The following CDK19 variants were observed in gnomAD, a reference collection of about 807,000 sequenced individuals.
The protein encoded by CDK19 is cyclin dependent kinase 19.
In CDK19, 20 loss-of-function variants were observed where a neutral mutation model predicts 68.3. The ratio of observed to expected loss-of-function variants is 0.29; its 90% CI spans 0.21 to 0.43. The LOEUF is 0.43. Among genes scored for constraint, CDK19 ranks in the 20% least tolerant of loss-of-function variants. The pLI is 1.00. For synonymous variants in CDK19, 221 were observed against 222.8 expected (o/e 0.99, Z 0.07); for missense variants, 339 against 623.5 (o/e 0.54, Z 4.86).
intron 2 of CDK19, among the ~76,000 whole-genome samples, chr6:110,694,871 C>T (rs1773338966): frequency 6.6e-6 from 1 of 152,158 alleles, no homozygotes; most frequent in Non-Finnish European, 1.5e-5. Flanking sequence ...AATCCCAGCA[C>T]TTTGGGAGGC....
chr6:110,791,876 C>A (rs1053162485), intron 1 of CDK19, among the ~76,000 whole-genome samples: 7 of 152,036 alleles, frequency 4.6e-5, no homozygotes, highest in Admixed American at 2.6e-4. Flanking sequence ...GAACTCCTGG[C>A]CTCAAGCAAT....
chr6:110,739,259 A>G (rs1431501878), intron 2 of CDK19, among the ~76,000 whole-genome samples: 1 of 152,164 alleles, frequency 6.6e-6, no homozygotes, highest in Admixed American at 6.5e-5. Context: ...CATGAATGGA[A>G]TTAGTTCCCT....
At chr6:110,797,750 C>T (rs1782039585) in intron 1 of CDK19, among the ~76,000 whole-genome samples, 1 of 152,098 alleles carries the variant, frequency 6.6e-6, no homozygotes, top group Non-Finnish European at 1.5e-5. Context: ...TTTGGGAGGC[C>T]AAGACGGGTG....
At chr6:110,719,809 C>T (rs754087733) in intron 2 of CDK19, among the ~76,000 whole-genome samples, 2 of 152,242 alleles carry the variant, frequency 1.3e-5, no homozygotes, top group South Asian at 2.1e-4. Context: ...GGGCTCACTG[C>T]AACTTCCGCC....
chr6:110,687,384 G>C (rs1206285026), intron 2 of CDK19, among the ~76,000 whole-genome samples: 1 of 152,202 alleles, frequency 6.6e-6, no homozygotes, highest in Non-Finnish European at 1.5e-5. Context: ...TATGCTTCTA[G>C]AGAAGATAAA....
intron 1 of CDK19, among the ~76,000 whole-genome samples, chr6:110,800,503 G>A (rs533247717): frequency 6.6e-5 from 10 of 152,134 alleles, no homozygotes; most frequent in Non-Finnish European, 1.3e-4. Flanking sequence ...TACAACAAAC[G>A]AAGAAAACTA....
chr6:110,781,578 C>T (rs969993586), intron 1 of CDK19, among the ~76,000 whole-genome samples: 7 of 152,122 alleles, frequency 4.6e-5, no homozygotes, highest in African/African-American at 1.7e-4. Context: ...TGCAGTGGCT[C>T]ACACCTCTAA....
chr6:110,800,536 A>T (rs1418833133), intron 1 of CDK19, among the ~76,000 whole-genome samples: 1 of 152,208 alleles, frequency 6.6e-6, no homozygotes, highest in African/African-American at 2.4e-5. Flanking sequence ...CCTGATGAAC[A>T]TAGATGCAAA....
intron 2 of CDK19, among the ~76,000 whole-genome samples, chr6:110,687,819 A>G (rs528325110): frequency 6.6e-6 from 1 of 152,356 alleles, no homozygotes; most frequent in East Asian, 1.9e-4. Flanking sequence ...ATGAAGAATA[A>G]GTAACACCAT....
chr6:110,811,500 G>A (rs1192839999), intron 1 of CDK19, among the ~76,000 whole-genome samples: 3 of 152,072 alleles, frequency 2.0e-5, no homozygotes, highest in South Asian at 2.1e-4. Context: ...CACCTGCCTC[G>A]GCTTCCCAAA....
At chr6:110,783,159 G>A (rs1780940453) in intron 1 of CDK19, among the ~76,000 whole-genome samples, 1 of 152,186 alleles carries the variant, frequency 6.6e-6, no homozygotes, top group African/African-American at 2.4e-5. Context: ...CCTGAGAGAT[G>A]ACATGGGAGG....
At position 110,713,470 on chromosome 6, in the gene CDK19, T is replaced by A. The variant is rs1582926590; in HGVS notation, c.204+32656A>T. Among the ~76,000 whole-genome samples the A allele has an allele frequency of 4.9e-5, 3 of 61,402 alleles. No homozygotes were observed. In the South Asian group the frequency reaches 2.3e-3, roughly 46 times the overall value. 40.3% of individuals were successfully genotyped at this position (61,402 alleles called of 152,430 possible). Reference sequence around the variant, plus strand: ...AAAAAATCCTGGGCTCAAGTGATCCTCTTGTCTCAAAAAAAAAAAAAAAAT... The same window carrying A: ...AAAAAATCCTGGGCTCAAGTGATCCACTTGTCTCAAAAAAAAAAAAAAAAT... On this transcript the variant is annotated intron_variant, in intron 2 of 12. Coordinates refer to ENST00000368911, the MANE Select transcript of CDK19 (RefSeq NM_015076.5).
intron 10 of CDK19, 60 bp downstream of exon 10, chr6:110,622,755 C>T: frequency 1.9e-6 from 2 of 1,079,034 alleles, no homozygotes; most frequent in Non-Finnish European, 2.9e-6. Flanking sequence ...CCCTTGCTTT[C>T]AACCACCATG....
rs1476600880 is a variant in CDK19, at chr6:110,769,580, TAATA to T, written c.129-23383_129-23380del. On this transcript the variant is annotated intron_variant, in intron 1 of 12. Coordinates refer to ENST00000368911, the MANE Select transcript of CDK19 (RefSeq NM_015076.5). Reference sequence around the variant, plus strand: ...ATTCCATCTCAAAAAAAAAAAAAAATAATAATAATAATAATAATAGGGAAAACTG... The same window carrying T: ...ATTCCATCTCAAAAAAAAAAAAAAATATAATAATAATAATAGGGAAAACTG... Among the ~76,000 whole-genome samples, 382 of 143,058 alleles carry T rather than the reference TAATA, an allele frequency of 2.7e-3. 1 individual carries two copies. The highest frequency in any genetic ancestry group is 9.3e-3 in the African/African-American group (367 of 39,646). 93.9% of individuals were successfully genotyped at this position (143,058 alleles called of 152,430 possible). A position where few individuals can be genotyped will look rare whatever the true frequency, so the allele number is the denominator to read the frequency against.
chr6:110,759,428 A>ATATATATATATATATAT (rs1554219514), intron 1 of CDK19, among the ~76,000 whole-genome samples: 2 of 50,906 alleles, frequency 3.9e-5, no homozygotes, highest in African/African-American at 8.7e-5. Context: ...AAAAAAAAAA[A>ATATATATATATATATAT]ATATATATAT....
chr6:110,640,091 T>G (rs1278230438), intron 4 of CDK19, among the ~76,000 whole-genome samples: 2 of 151,962 alleles, frequency 1.3e-5, no homozygotes, highest in Non-Finnish European at 2.9e-5. Flanking sequence ...TGTGGTGGCA[T>G]GCACCTGGAG....
At chr6:110,634,145 A>C (rs1779610671) in intron 5 of CDK19, among the ~76,000 whole-genome samples, 4 of 152,210 alleles carry the variant, frequency 2.6e-5, no homozygotes, top group Admixed American at 2.6e-4. Flanking sequence ...TAACATATTA[A>C]AATTTTAATT....
intron 2 of CDK19, among the ~76,000 whole-genome samples, chr6:110,741,019 T>A (rs767844016): frequency 2.0e-5 from 3 of 151,992 alleles, no homozygotes; most frequent in South Asian, 4.2e-4. Flanking sequence ...GAGTATCCAG[T>A]CTGACCAACA....
chr6:110,657,366 T>G (rs1781365647), intron 4 of CDK19, among the ~76,000 whole-genome samples: 1 of 152,204 alleles, frequency 6.6e-6, no homozygotes, highest in African/African-American at 2.4e-5. Flanking sequence ...CTTGGTAAAA[T>G]GAATCATCAG....
Sources: allele counts gnomAD v4.1 joint callset (sites outside exome capture counted in the v4.1 genomes callset), GRCh38; gene constraint gnomAD v4.1.1; transcripts MANE v1.5; gene names NCBI Gene and HGNC (gene_info 2026-07-23, HGNC 2026-07-21).